The following CRY1 variants were observed in gnomAD, a reference collection of about 807,000 sequenced individuals.
The protein encoded by CRY1 is cryptochrome circadian regulator 1.
Under a neutral mutation model 76.0 loss-of-function variants are expected in CRY1, and 45 were observed. The observed-to-expected ratio is 0.59, with a 90% CI of 0.47 to 0.76. The LOEUF is 0.76. Among genes scored for constraint, CRY1 ranks in the 30% least tolerant of loss-of-function variants. The pLI is 0.00. For synonymous variants in CRY1, 248 were observed against 244.0 expected, an observed-to-expected ratio of 1.02 and a Z score of -0.15; for missense variants, 587 against 716.4, an observed-to-expected ratio of 0.82 and a Z score of 2.06.
intron 1 of CRY1, among the ~76,000 whole-genome samples, chr12:107,052,106 T>C (rs1952929776): frequency 6.6e-6 from 1 of 152,138 alleles, no homozygotes; most frequent in African/African-American, 2.4e-5. Context: ...TTCTAACGGT[T>C]ACTTGGTAAG....
chr12:107,000,902 A>G (rs1419725697), intron 5 of CRY1, among the ~76,000 whole-genome samples: 1 of 152,196 alleles, frequency 6.6e-6, no homozygotes, highest in Non-Finnish European at 1.5e-5. Flanking sequence ...CACCTGCGTC[A>G]GCCTCCCAAA....
intron 1 of CRY1, among the ~76,000 whole-genome samples, chr12:107,086,306 G>C (rs1028389099): frequency 2.6e-5 from 4 of 152,218 alleles, no homozygotes; most frequent in African/African-American, 9.7e-5. Context: ...ACCTAACCAT[G>C]TGGTAGAGGG....
chr12:107,002,735 C>T (rs1484802234), intron 3 of CRY1, among the ~76,000 whole-genome samples: 1 of 152,190 alleles, frequency 6.6e-6, no homozygotes, highest in Non-Finnish European at 1.5e-5. Flanking sequence ...ACAATTCCCA[C>T]ATCATGGGAG....
chr12:107,043,273 T>C (rs1307124571), intron 1 of CRY1: 1 of 152,304 alleles, frequency 6.6e-6, no homozygotes, highest in Non-Finnish European at 1.5e-5. Flanking sequence ...AAACAGTACC[T>C]TGGCCACTCT....
rs1952185264 is a variant in CRY1, at chr12:106,991,979, A to C, written c.*23T>G. On this transcript the variant is annotated 3_prime_UTR_variant, in exon 13 of 13. Coordinates refer to ENST00000008527, the MANE Select transcript of CRY1 (RefSeq NM_004075.5). ...GAACTCCCCACCAATTTCAGCTGCA[A>C]CAGTATTCCTCCTGAATGTTTTCTG... 1 of 152,250 alleles carries C rather than the reference A, an allele frequency of 6.6e-6. No homozygotes were observed. The highest frequency in any genetic ancestry group is 1.5e-5 in the Non-Finnish European group (1 of 68,002). The allele number at this position is 152,250 out of a possible 1,614,324, so 9.4% of individuals were successfully genotyped here. A position where few individuals can be genotyped will look rare whatever the true frequency, so the allele number is the denominator to read the frequency against.
chr12:107,092,668 G>A, intron 1 of CRY1, 136 bp downstream of exon 1: 2 of 1,254,256 alleles, frequency 1.6e-6, no homozygotes, highest in Non-Finnish European at 2.3e-6. Context: ...TTAATACTTA[G>A]GGCACCTAAA....
At chr12:107,011,963 G>A (rs1487019018) in intron 2 of CRY1, among the ~76,000 whole-genome samples, 1 of 152,200 alleles carries the variant, frequency 6.6e-6, no homozygotes, top group Non-Finnish European at 1.5e-5. Context: ...AGCTGAGGCA[G>A]GCAGATGCTT....
At chr12:107,030,693 A>C (rs140734220) in intron 1 of CRY1, among the ~76,000 whole-genome samples, 74 of 152,178 alleles carry the variant, frequency 4.9e-4, no homozygotes, top group African/African-American at 1.7e-3. Flanking sequence ...CACAATATCT[A>C]AGCACTGATA....
intron 1 of CRY1, among the ~76,000 whole-genome samples, chr12:107,079,798 A>G (rs1273538848): frequency 6.6e-6 from 1 of 152,178 alleles, no homozygotes; most frequent in African/African-American, 2.4e-5. Context: ...AGAGGGCCAG[A>G]TTACACAAGG....
intron 1 of CRY1, among the ~76,000 whole-genome samples, chr12:107,082,719 C>T (rs558323849): frequency 1.3e-5 from 2 of 152,232 alleles, no homozygotes; most frequent in Non-Finnish European, 2.9e-5. Context: ...ATTTATAGCA[C>T]TAAATGTCCA....
intron 2 of CRY1, among the ~76,000 whole-genome samples, chr12:107,005,947 GT>G (rs975112085): frequency 6.0e-5 from 9 of 148,858 alleles, no homozygotes; most frequent in Admixed American, 2.7e-4. Flanking sequence ...TAAGGAGAAA[GT>G]TTTTTTTTTA....
chr12:107,063,779 G>A (rs1251572646), intron 1 of CRY1, among the ~76,000 whole-genome samples: 1 of 152,064 alleles, frequency 6.6e-6, no homozygotes, highest in Admixed American at 6.5e-5. Flanking sequence ...TGTACTTTTA[G>A]TAGATACAGG....
At chr12:107,050,076 A>G (rs1952901205) in intron 1 of CRY1, 2 of 152,192 alleles carry the variant, frequency 1.3e-5, no homozygotes, top group Admixed American at 1.3e-4. Flanking sequence ...TACAAAAGAC[A>G]AAGTGGGGGA....
intron 1 of CRY1, among the ~76,000 whole-genome samples, chr12:107,024,192 T>G (rs1952584808): frequency 6.6e-6 from 1 of 152,182 alleles, no homozygotes; most frequent in African/African-American, 2.4e-5. Flanking sequence ...CCACCAGAAG[T>G]GAGTAAGAAC....
rs534682585 is a variant in CRY1 at position 107,074,501 on chromosome 12, T to A, written c.158+18303A>T. ...AGAGTCAATAGAATTCTCTTTTTTT[T>A]AAATAGCATTTTTTAATCTCTAGGA... On this transcript the variant is annotated intron_variant, in intron 1 of 12. Coordinates refer to ENST00000008527, the MANE Select transcript of CRY1 (RefSeq NM_004075.5). 1.3e-3 allele frequency among the ~76,000 whole-genome samples: 195 copies of A among 152,340 alleles called. 3 individuals carry two copies. In the South Asian group the frequency reaches 0.036, roughly 28 times the overall value.
intron 1 of CRY1, among the ~76,000 whole-genome samples, chr12:107,060,193 A>T (rs770593793): frequency 6.6e-6 from 1 of 152,228 alleles, no homozygotes; most frequent in Non-Finnish European, 1.5e-5. Flanking sequence ...GTGGTGCTAT[A>T]GTTTGAATGT....
At chr12:107,026,781 T>G (rs1952621310) in intron 1 of CRY1, among the ~76,000 whole-genome samples, 2 of 151,624 alleles carry the variant, frequency 1.3e-5, no homozygotes, top group South Asian at 2.1e-4. Context: ...TTTTTTTTTT[T>G]TTTTTTTTTA....
chr12:107,087,838 G>A (rs527571204), intron 1 of CRY1, among the ~76,000 whole-genome samples: 6 of 151,946 alleles, frequency 3.9e-5, no homozygotes, highest in African/African-American at 9.7e-5. Context: ...GCTTTAGCCC[G>A]GGAGTATGAG....
intron 1 of CRY1, among the ~76,000 whole-genome samples, chr12:107,031,913 GTACTATGGTTTCTT>G (rs1952679977): frequency 6.6e-6 from 1 of 152,070 alleles, no homozygotes; most frequent in Non-Finnish European, 1.5e-5. Context: ...AGTTTAGTTA[GTACTATGGTTTCTT>G]TTTCTTTTCT....
Sources: allele counts gnomAD v4.1 joint callset (sites outside exome capture counted in the v4.1 genomes callset), GRCh38; gene constraint gnomAD v4.1.1; transcripts MANE v1.5; gene names NCBI Gene and HGNC (gene_info 2026-07-23, HGNC 2026-07-21).